Variants in CNTNAP2 observed in about 807,000 individuals in gnomAD.
The protein encoded by CNTNAP2 is contactin-associated protein-like 2.
CNTNAP2 carries 98 observed loss-of-function variants against 155.2 expected under a neutral mutation model. The ratio of observed to expected loss-of-function variants is 0.63; its 90% CI spans 0.54 to 0.75. CNTNAP2 has a LOEUF of 0.75. Among genes scored for constraint, CNTNAP2 ranks in the 30% least tolerant of loss-of-function variants. The pLI, the probability that CNTNAP2 is intolerant of heterozygous loss-of-function variation, is 0.00. For missense variants in CNTNAP2, 1,727 were observed against 1,688.1 expected, an observed-to-expected ratio of 1.02 and a Z score of -0.40; for synonymous variants, 651 against 631.2, an observed-to-expected ratio of 1.03 and a Z score of -0.47.
intron 4 of CNTNAP2, among the ~76,000 whole-genome samples, chr7:147,077,893 T>C (rs1177489958): frequency 6.6e-6 from 1 of 152,170 alleles, no homozygotes; most frequent in Non-Finnish European, 1.5e-5. Flanking sequence ...GATACACAGA[T>C]TACAGATAAA....
At chr7:146,702,091 C>G (rs1800887315) in intron 1 of CNTNAP2, among the ~76,000 whole-genome samples, 1 of 152,062 alleles carries the variant, frequency 6.6e-6, no homozygotes, top group African/African-American at 2.4e-5. Flanking sequence ...GAGAAAAGAA[C>G]AGATGTTTCT....
chr7:147,112,180 A>C (rs1478084971), intron 5 of CNTNAP2, among the ~76,000 whole-genome samples: 1 of 151,976 alleles, frequency 6.6e-6, no homozygotes, highest in Non-Finnish European at 1.5e-5. Context: ...CTGATTGCTT[A>C]TTGTTGGCTT....
chr7:146,166,014 G>A (rs1474479669), intron 1 of CNTNAP2, among the ~76,000 whole-genome samples: 1 of 152,078 alleles, frequency 6.6e-6, no homozygotes, highest in Non-Finnish European at 1.5e-5. Context: ...TAAATTATAG[G>A]TTTATTTTGT....
rs183231147 is a variant in CNTNAP2 at position 147,849,461 on chromosome 7, C to T, written c.2099-54104C>T. Among the ~76,000 whole-genome samples the T allele has an allele frequency of 1.5e-4, 23 of 152,280 alleles. No homozygotes were observed. In the East Asian group the frequency reaches 2.1e-3, roughly 14 times the overall value. Reference sequence around the variant, plus strand: ...AGTCAGGATTTTACTCCAGACTGTCCTCATCTGAGGTCATCTTATCTGTCC... The same window carrying T: ...AGTCAGGATTTTACTCCAGACTGTCTTCATCTGAGGTCATCTTATCTGTCC... On this transcript the variant is annotated intron_variant, in intron 13 of 23. Coordinates refer to ENST00000361727, the MANE Select transcript of CNTNAP2 (RefSeq NM_014141.6).
chr7:148,261,273 G>C (rs1796556413), intron 20 of CNTNAP2, among the ~76,000 whole-genome samples: 2 of 152,110 alleles, frequency 1.3e-5, no homozygotes, highest in African/African-American at 2.4e-5. Flanking sequence ...CGAGTCTCCT[G>C]CTTCAGCCTC....
At chr7:146,496,587 C>T (rs1438556406) in intron 1 of CNTNAP2, among the ~76,000 whole-genome samples, 1 of 152,150 alleles carries the variant, frequency 6.6e-6, no homozygotes, top group Admixed American at 6.5e-5. Flanking sequence ...AAGGGTTTTG[C>T]TTTCCGAGGC....
At chr7:147,530,717 G>T (rs747926234) in intron 11 of CNTNAP2, among the ~76,000 whole-genome samples, 1 of 151,988 alleles carries the variant, frequency 6.6e-6, no homozygotes, top group Admixed American at 6.6e-5. Flanking sequence ...ATATCATTCC[G>T]CCACTGACTC....
At chr7:147,440,443 TGTA>T (rs575443784) in intron 10 of CNTNAP2, among the ~76,000 whole-genome samples, 90 of 152,250 alleles carry the variant, frequency 5.9e-4, no homozygotes, top group Middle Eastern at 6.8e-3. Context: ...CAAAAGTAGT[TGTA>T]GTTATTATTT....
chr7:148,084,592 G>A (rs563341583), intron 15 of CNTNAP2, among the ~76,000 whole-genome samples: 1 of 151,836 alleles, frequency 6.6e-6, no homozygotes, highest in South Asian at 2.1e-4. Context: ...TAGACAGGAA[G>A]AAAGAAGGGA....
chr7:146,394,460 T>C (rs977131993), intron 1 of CNTNAP2, among the ~76,000 whole-genome samples: 1 of 151,704 alleles, frequency 6.6e-6, no homozygotes, highest in African/African-American at 2.4e-5. Flanking sequence ...TTTATAAATA[T>C]AGAGTCTTTT....
chr7:147,681,070 G>A (rs1795941679), intron 13 of CNTNAP2, among the ~76,000 whole-genome samples: 1 of 151,848 alleles, frequency 6.6e-6, no homozygotes, highest in South Asian at 2.1e-4. Context: ...TTCATTTCAG[G>A]TTTTCATAGT....
intron 3 of CNTNAP2, among the ~76,000 whole-genome samples, chr7:146,904,688 G>A (rs1191835146): frequency 6.6e-6 from 1 of 152,092 alleles, no homozygotes; most frequent in Non-Finnish European, 1.5e-5. Flanking sequence ...AGCCAGGATG[G>A]TCTCGATCTC....
At chr7:147,200,153 C>T (rs1802893867) in intron 8 of CNTNAP2, among the ~76,000 whole-genome samples, 1 of 151,850 alleles carries the variant, frequency 6.6e-6, no homozygotes, top group Non-Finnish European at 1.5e-5. Flanking sequence ...TGCTTCTCCC[C>T]TGTTGCTCCA....
At chr7:146,705,626 G>A (rs1475443936) in intron 1 of CNTNAP2, among the ~76,000 whole-genome samples, 3 of 151,974 alleles carry the variant, frequency 2.0e-5, no homozygotes, top group African/African-American at 7.3e-5. Context: ...CAGTCCACAT[G>A]GCTGGGAGAC....
chr7:147,108,070 T>G, intron 4 of CNTNAP2, 77 bp from the exon 5 acceptor site: 1 of 1,285,116 alleles, frequency 7.8e-7, no homozygotes, highest in East Asian at 2.3e-5. Context: ...TTCTCATTTA[T>G]TCTTTGCAGA....
intron 14 of CNTNAP2, among the ~76,000 whole-genome samples, chr7:147,921,279 C>A (rs1800276176): frequency 1.3e-5 from 2 of 152,306 alleles, no homozygotes; most frequent in South Asian, 4.1e-4. Flanking sequence ...CCACACCGTA[C>A]TTAATTTGGC....
chr7:147,829,992 C>A (rs2116633611), intron 13 of CNTNAP2, among the ~76,000 whole-genome samples: 1 of 151,980 alleles, frequency 6.6e-6, no homozygotes, highest in East Asian at 2.0e-4. Context: ...AGCTGCCTTG[C>A]TCCAGAAGTG....
At chr7:146,190,192 T>A (rs1263690700) in intron 1 of CNTNAP2, among the ~76,000 whole-genome samples, 1 of 152,196 alleles carries the variant, frequency 6.6e-6, no homozygotes, top group Non-Finnish European at 1.5e-5. Flanking sequence ...GAACATTCAT[T>A]TCTACTGCCT....
intron 5 of CNTNAP2, among the ~76,000 whole-genome samples, chr7:147,112,394 T>A (rs1050168326): frequency 6.6e-6 from 1 of 152,146 alleles, no homozygotes; most frequent in African/African-American, 2.4e-5. Flanking sequence ...CTGGCCAGGA[T>A]AGCCAATACT....
Sources: gnomAD v4.1 joint callset for allele counts (sites outside exome capture counted in the v4.1 genomes callset) on GRCh38, gnomAD v4.1.1 for gene constraint, MANE v1.5 for transcripts, NCBI Gene and HGNC (gene_info 2026-07-23, HGNC 2026-07-21) for gene names.